Variants in NOL10 observed in about 807,000 individuals in gnomAD.
NOL10 encodes nucleolar protein 10, also known as H_NH0074G24.1.
In NOL10, 58 loss-of-function variants were observed where a neutral mutation model predicts 103.5. The observed-to-expected ratio is 0.56, with a 90% CI of 0.45 to 0.70. The LOEUF (loss-of-function observed/expected upper bound fraction) is 0.70, where lower values mean the gene tolerates loss of function less well. NOL10 is among the 30% of genes least tolerant of loss of function. The probability of loss-of-function intolerance (pLI) is 0.00; values close to 1 mark genes in which losing one functional copy is unlikely to be tolerated. For missense variants in NOL10, 763 were observed against 807.3 expected (o/e 0.95, Z 0.67); for synonymous variants, 287 against 282.5 (o/e 1.02, Z -0.16).
At chr2:10,666,552 C>T (rs568192985) in intron 8 of NOL10, among the ~76,000 whole-genome samples, 1 of 152,316 alleles carries the variant, frequency 6.6e-6, no homozygotes, top group Admixed American at 6.5e-5. Context: ...TGGTCTCAAA[C>T]TCCTGATCTC....
At chr2:10,654,107 T>A (rs1444889989) in intron 12 of NOL10, among the ~76,000 whole-genome samples, 1 of 152,210 alleles carries the variant, frequency 6.6e-6, no homozygotes, top group Non-Finnish European at 1.5e-5. Flanking sequence ...GCAATCTAGC[T>A]TTCTCCAAAT....
At chr2:10,662,316 C>T (rs908082686) in intron 9 of NOL10, among the ~76,000 whole-genome samples, 1 of 152,122 alleles carries the variant, frequency 6.6e-6, no homozygotes, top group Non-Finnish European at 1.5e-5. Flanking sequence ...CTTTCTAAGA[C>T]TTATTATTAG....
intron 12 of NOL10, among the ~76,000 whole-genome samples, chr2:10,651,275 G>A (rs1036501186): frequency 4.6e-5 from 7 of 152,050 alleles, no homozygotes; most frequent in South Asian, 4.2e-4. Context: ...AACAATCCCC[G>A]CTACACTGGG....
intron 19 of NOL10, among the ~76,000 whole-genome samples, chr2:10,587,130 C>CACAT (rs1553296134): frequency 3.1e-5 from 1 of 31,768 alleles, no homozygotes; most frequent in African/African-American, 2.0e-4. Flanking sequence ...CATATATATA[C>CACAT]ATATATACAC....
chr2:10,653,930 C>T (rs986369345), intron 12 of NOL10, among the ~76,000 whole-genome samples: 1 of 152,160 alleles, frequency 6.6e-6, no homozygotes, highest in African/African-American at 2.4e-5. Flanking sequence ...GTACCTCTGC[C>T]CTCAGAGTAG....
chr2:10,587,774 G>A (rs1006897566), intron 19 of NOL10, among the ~76,000 whole-genome samples: 2 of 152,098 alleles, frequency 1.3e-5, no homozygotes, highest in Admixed American at 1.3e-4. Flanking sequence ...GTGAAATAAA[G>A]ATGAATAAAA....
At chr2:10,617,978 CACA>C (rs1676918917) in intron 13 of NOL10, among the ~76,000 whole-genome samples, 1 of 151,288 alleles carries the variant, frequency 6.6e-6, no homozygotes, top group South Asian at 2.1e-4. Flanking sequence ...GTTAGTGTGA[CACA>C]ACGTCATGGA....
intron 14 of NOL10, chr2:10,604,885 GGA>G (rs1391093894): frequency 6.6e-6 from 1 of 152,166 alleles, no homozygotes; most frequent in African/African-American, 2.4e-5. Flanking sequence ...CCTTCCGTTT[GGA>G]GATTTACAAT....
chr2:10,652,156 C>T (rs372249206), intron 12 of NOL10, among the ~76,000 whole-genome samples: 2 of 151,894 alleles, frequency 1.3e-5, no homozygotes, highest in African/African-American at 4.8e-5. Flanking sequence ...AGGAGAATCG[C>T]TTGAATCCGG....
Position 10,687,789 on chromosome 2 carries a change from A to G in NOL10, c.66+2007T>C, listed in dbSNP as rs144063619. 6.6e-3 allele frequency among the ~76,000 whole-genome samples: 1,010 copies of G among 152,314 alleles called. 14 individuals carry two copies. Among genetic ancestry groups the G allele is most frequent in the African/African-American group, 0.023 (968 of 41,572 alleles). ...GCCAACATAGTGAAACTCCGTCTCT[A>G]CTAAAAATACAAAAATTAGCTGGTG... On this transcript the variant is annotated intron_variant, in intron 1 of 20. Coordinates refer to ENST00000381685, the MANE Select transcript of NOL10 (RefSeq NM_024894.4).
chr2:10,644,130 AT>A (rs1370461376), intron 13 of NOL10, among the ~76,000 whole-genome samples, 189 bp downstream of exon 13: 1 of 152,104 alleles, frequency 6.6e-6, no homozygotes, highest in Non-Finnish European at 1.5e-5. Flanking sequence ...TACACCTGTA[AT>A]CCCAGCTACA....
chr2:10,666,320 G>A (rs1680562785), intron 8 of NOL10, among the ~76,000 whole-genome samples: 2 of 151,476 alleles, frequency 1.3e-5, no homozygotes. Flanking sequence ...ATAAATTATA[G>A]TACAAACAAC....
Position 10,667,275 on chromosome 2 carries a change from C to T in NOL10, c.534G>A (p.Glu178=), listed in dbSNP as rs1680625176. 1 of 1,580,802 alleles carries T rather than the reference C, an allele frequency of 6.3e-7. No individual in the cohort carries two copies. Among genetic ancestry groups the T allele is most frequent in the East Asian group, 2.3e-5 (1 of 43,690 alleles). The change falls in exon 8 of 21, where the codon GAG becomes GAA. Residue 178 remains glutamate, a synonymous_variant. Transcript: ENST00000381685. ...CTGAATTTATGTCACAAACATTATT[C>T]TCCCTAACACAGGAAAGCAGTAAGA... is the stretch of plus-strand genomic sequence containing the variant. ...YLNPLQTDAA[E]NNVCDINSVH...
chr2:10,671,308 T>C (rs1432420246), intron 6 of NOL10, among the ~76,000 whole-genome samples: 1 of 152,140 alleles, frequency 6.6e-6, no homozygotes, highest in Non-Finnish European at 1.5e-5. Flanking sequence ...TTAGAAAATA[T>C]TGTATTAAGC....
chr2:10,643,004 C>T (rs539631259), intron 13 of NOL10, among the ~76,000 whole-genome samples: 5 of 152,186 alleles, frequency 3.3e-5, no homozygotes, highest in Non-Finnish European at 5.9e-5. Context: ...TCCCAACACA[C>T]AGTTGATGTA....
Position 10,675,825 on chromosome 2 carries a change from G to A in NOL10, c.258C>T (p.Ser86=), listed in dbSNP as rs1236255830. ...RVRCYDTYQL[S]LKFERCLDSE... Reference sequence around the variant, plus strand: ...AATCTAAACACCTTTCAAACTTCAAGGATAATTGATAGGTGTCATAACATC... The same window carrying A: ...AATCTAAACACCTTTCAAACTTCAAAGATAATTGATAGGTGTCATAACATC... Residue 86 remains serine, a synonymous_variant, in exon 4 of 21, where the codon TCC becomes TCT. Transcript: ENST00000381685. The A allele has an allele frequency of 2.5e-6, 4 of 1,579,148 alleles. No homozygotes were observed. The highest frequency in any genetic ancestry group is 1.8e-5 in the Admixed American group (1 of 55,644).
At chr2:10,619,770 C>A (rs1049481642) in intron 13 of NOL10, among the ~76,000 whole-genome samples, 1 of 152,122 alleles carries the variant, frequency 6.6e-6, no homozygotes, top group African/African-American at 2.4e-5. Flanking sequence ...ATTTTAAGGT[C>A]TCCTATTCAT....
chr2:10,579,239 T>C (rs1674626547), intron 19 of NOL10, among the ~76,000 whole-genome samples: 1 of 152,234 alleles, frequency 6.6e-6, no homozygotes, highest in Admixed American at 6.5e-5. Flanking sequence ...TAAGCAATAA[T>C]GTTATTAAGA....
At chr2:10,651,527 CT>C (rs577252215) in intron 12 of NOL10, among the ~76,000 whole-genome samples, 1 of 151,946 alleles carries the variant, frequency 6.6e-6, no homozygotes, top group African/African-American at 2.4e-5. Flanking sequence ...ATTTTACATC[CT>C]TTTTTCGTAG....
Sources: allele counts gnomAD v4.1 joint callset (sites outside exome capture counted in the v4.1 genomes callset), GRCh38; gene constraint gnomAD v4.1.1; transcripts MANE v1.5; gene names NCBI Gene and HGNC (gene_info 2026-07-23, HGNC 2026-07-21).